RUSC2: variants seen among roughly 807,000 people sequenced by gnomAD.
RUSC2 encodes the protein AP-4 complex accessory subunit RUSC2.
In RUSC2, 34 loss-of-function variants were observed where a neutral mutation model predicts 122.2. The observed-to-expected ratio is 0.28, with a 90% CI of 0.21 to 0.37. The LOEUF (loss-of-function observed/expected upper bound fraction) is 0.37. Ranked by LOEUF, RUSC2 falls within the 10% of genes least tolerant of loss-of-function variation. RUSC2 has a pLI of 1.00. For synonymous variants in RUSC2, 784 were observed against 790.0 expected (o/e 0.99, Z 0.13); for missense variants, 1,747 against 1,952.4 (o/e 0.89, Z 1.98).
chr9:35,499,093 C>T (rs570883189), intron 1 of RUSC2, among the ~76,000 whole-genome samples: 6 of 152,110 alleles, frequency 3.9e-5, no homozygotes, highest in African/African-American at 1.2e-4. Context: ...TCAAGACCAG[C>T]CTGGGCAACA....
Position 35,543,810 on chromosome 9 carries a change from G to A in RUSC2, c.-92-2620G>A, listed in dbSNP as rs190974225. Among the ~76,000 whole-genome samples, 287 of 152,230 alleles carry A rather than the reference G, an allele frequency of 1.9e-3. 2 individuals are homozygous for A. Among genetic ancestry groups the A allele is most frequent in the Non-Finnish European group, 3.2e-3 (217 of 68,010 alleles). On this transcript the variant is annotated intron_variant, in intron 1 of 11. Transcript: ENST00000361226. ...TATTTCTATGGATTTGCCTATTCTGGACATTTCATATAAATGGAATCATAC... is the reference window on the plus strand; with the variant it reads ...TATTTCTATGGATTTGCCTATTCTGAACATTTCATATAAATGGAATCATAC...
intron 1 of RUSC2, among the ~76,000 whole-genome samples, chr9:35,494,678 T>C (rs1452324044): frequency 6.6e-6 from 1 of 151,898 alleles, no homozygotes; most frequent in Non-Finnish European, 1.5e-5. Context: ...TTTTAATACA[T>C]TTTGGACATT....
At chr9:35,539,213 G>T (rs931230007) in intron 1 of RUSC2, 1 of 139,112 alleles carries the variant, frequency 7.2e-6, no homozygotes, top group Non-Finnish European at 1.6e-5. Flanking sequence ...TTCCAAAAGG[G>T]AGAGGGGGGC....
At chr9:35,540,395 T>A (rs915051909) in intron 1 of RUSC2, among the ~76,000 whole-genome samples, 4 of 152,240 alleles carry the variant, frequency 2.6e-5, no homozygotes, top group Middle Eastern at 3.4e-3. Flanking sequence ...AAATTCCCAT[T>A]TCTAATAACC....
rs75685185 is a variant in RUSC2, at chr9:35,550,210, C to CA, written c.2014+1690dup. 6.4e-3 allele frequency among the ~76,000 whole-genome samples: 683 copies of CA among 106,268 alleles called. 1 individual carries two copies. The highest frequency in any genetic ancestry group is 6.9e-3 in the Admixed American group (73 of 10,516). 69.7% of individuals were successfully genotyped at this position (106,268 alleles called of 152,430 possible). On this transcript the variant is annotated intron_variant, in intron 2 of 11. Coordinates refer to ENST00000361226, the MANE Select transcript of RUSC2 (RefSeq NM_014806.5). ...GGGCAACAAGAGCGAAACTCCACCT[C>CA]AAAAAAAAAAAAAAAGTAATTGGAT...
chr9:35,501,452 C>T (rs1004834131), intron 1 of RUSC2, among the ~76,000 whole-genome samples: 4 of 152,192 alleles, frequency 2.6e-5, no homozygotes, highest in Admixed American at 1.3e-4. Context: ...TGGGGGGCAC[C>T]TATAGTTCCA....
At chr9:35,492,985 G>GT (rs1564238711) in intron 1 of RUSC2, among the ~76,000 whole-genome samples, 1 of 151,248 alleles carries the variant, frequency 6.6e-6, no homozygotes, top group Middle Eastern at 3.4e-3. Context: ...TTGTTTTTTG[G>GT]GTTTTTTTTT....
At position 35,548,028 on chromosome 9, in the gene RUSC2, C is replaced by G. The variant is rs752187320; in HGVS notation, c.1507C>G (p.Leu503Val). The stretch of plus-strand genomic sequence containing the variant: ...GCGCTCCCGCAGCTATGATCGCAGC[C>G]TGCAGCGCAGCCCTCCTGTCCGCCT... ...RQRSRSYDRS[L>V]QRSPPVRLGS... is the part of the protein sequence containing the mutation. The change falls in exon 2 of 12, where the codon CTG becomes GTG. Residue 503 changes from leucine (L) to valine (V), a missense_variant. Physicochemically the swap from Leu to Val is conservative, Grantham distance 32. Transcript: ENST00000361226. The surrounding 1 kb of genome is among the most constrained non-coding windows in gnomAD (Gnocchi z 4.5). 1.2e-6 allele frequency: 2 copies of G among 1,613,868 alleles called. No homozygotes were observed. The highest frequency in any genetic ancestry group is 2.2e-5 in the South Asian group (2 of 91,088).
chr9:35,554,995 TG>T, intron 2 of RUSC2, 64 bp from the exon 3 acceptor site: 1 of 1,583,340 alleles, frequency 6.3e-7, no homozygotes, highest in African/African-American at 1.3e-5. Flanking sequence ...TCTCTGCTTC[TG>T]GGTTTTCTCT....
intron 1 of RUSC2, among the ~76,000 whole-genome samples, chr9:35,504,331 C>G (rs2132498023): frequency 6.6e-6 from 1 of 152,202 alleles, no homozygotes; most frequent in South Asian, 2.1e-4. Context: ...TAATTGGTAG[C>G]CAAAAGGTGG....
chr9:35,520,173 G>A (rs1821185587), intron 1 of RUSC2, among the ~76,000 whole-genome samples: 1 of 152,226 alleles, frequency 6.6e-6, no homozygotes, highest in Admixed American at 6.5e-5. Flanking sequence ...TCCATGGTGA[G>A]CTGGACTCCA....
At chr9:35,497,786 C>G (rs1480423057) in intron 1 of RUSC2, among the ~76,000 whole-genome samples, 1 of 152,326 alleles carries the variant, frequency 6.6e-6, no homozygotes, top group Non-Finnish European at 1.5e-5. Flanking sequence ...CATGCAGATT[C>G]AGTCTCCTCC....
chr9:35,528,491 T>C (rs752987701), intron 1 of RUSC2, among the ~76,000 whole-genome samples: 3 of 151,762 alleles, frequency 2.0e-5, no homozygotes, highest in African/African-American at 4.8e-5. Context: ...AGCAGAATTC[T>C]CTTTATGCGA....
At chr9:35,539,242 G>A (rs1211010236) in intron 1 of RUSC2, 3 of 146,430 alleles carry the variant, frequency 2.0e-5, no homozygotes, top group East Asian at 2.0e-4. Context: ...GGGGGATAAA[G>A]GGGGGAACAT....
At chr9:35,545,669 T>C (rs1396223351) in intron 1 of RUSC2, among the ~76,000 whole-genome samples, 1 of 152,138 alleles carries the variant, frequency 6.6e-6, no homozygotes, top group Non-Finnish European at 1.5e-5. Flanking sequence ...TTATCTTGTG[T>C]GATGTGTTAG....
rs752892579 is a variant in RUSC2, at chr9:35,555,592, T to C, written c.2547T>C (p.His849=). The change falls in exon 3 of 12, where the codon CAT becomes CAC. Residue 849 remains histidine (H), a synonymous_variant. Coordinates refer to ENST00000361226, the MANE Select transcript of RUSC2 (RefSeq NM_014806.5). This position sits in a 1 kb window ranked among gnomAD's most constrained non-coding sequence, Gnocchi z 4.6. ...KILTLTEYRL[H]GTGSLPPLGS... ...TGACCTTGACTGAGTACCGGCTCCATGGAACAGGAAGCTTGCCGCCTCTGG... is the reference window on the plus strand; with the variant it reads ...TGACCTTGACTGAGTACCGGCTCCACGGAACAGGAAGCTTGCCGCCTCTGG... 6.2e-7 allele frequency: 1 copy of C among 1,613,860 alleles called. No individual in the cohort carries two copies. The highest frequency in any genetic ancestry group is 8.5e-7 in the Non-Finnish European group (1 of 1,180,010).
At chr9:35,513,283 T>C (rs557336561) in intron 1 of RUSC2, among the ~76,000 whole-genome samples, 1 of 152,018 alleles carries the variant, frequency 6.6e-6, no homozygotes, top group South Asian at 2.1e-4. Flanking sequence ...GAAGAGATTT[T>C]CCAGGCTGGA....
At chr9:35,535,428 T>C (rs1230778981) in intron 1 of RUSC2, among the ~76,000 whole-genome samples, 1 of 104,070 alleles carries the variant, frequency 9.6e-6, no homozygotes, top group Non-Finnish European at 2.2e-5. Context: ...CTAAGCTTCT[T>C]TTTGATAGAT....
At position 35,557,796 on chromosome 9, in the gene RUSC2, G is replaced by C. The variant is rs993105794; in HGVS notation, c.2984-118G>C. On this transcript the variant is annotated intron_variant, in intron 5 of 11. Transcript: ENST00000361226. This position sits in a 1 kb window ranked among gnomAD's most constrained non-coding sequence, Gnocchi z 4.6. Reference sequence around the variant, plus strand: ...AATGTTTTGATAAGACCCATGTGCAGATGTGGAGACGGAGTAAGTGTGGGA... The same window carrying C: ...AATGTTTTGATAAGACCCATGTGCACATGTGGAGACGGAGTAAGTGTGGGA... The C allele has an allele frequency of 5.0e-6, 4 of 802,908 alleles. No homozygotes were observed. The highest frequency in any genetic ancestry group is 8.8e-6 in the Non-Finnish European group (4 of 452,328). The allele number at this position is 802,908 out of a possible 1,614,324, so 49.7% of individuals were successfully genotyped here. A position where few individuals can be genotyped will look rare whatever the true frequency, so the allele number is the denominator to read the frequency against.
Sources: gnomAD v4.1 joint callset for allele counts (sites outside exome capture counted in the v4.1 genomes callset) on GRCh38, gnomAD v4.1.1 for gene constraint, Gnocchi (gnomAD v3.1) non-coding constraint, MANE v1.5 for transcripts, NCBI Gene and HGNC (gene_info 2026-07-23, HGNC 2026-07-21) for gene names.